The following LRRK1 variants were observed in gnomAD, a reference collection of about 807,000 sequenced individuals.
LRRK1 encodes the protein leucine-rich repeat serine/threonine-protein kinase 1.
LRRK1 carries 113 observed loss-of-function variants against 209.1 expected under a neutral mutation model. The observed-to-expected ratio is 0.54, with a 90% CI of 0.46 to 0.63. LRRK1 has a LOEUF of 0.63. LRRK1 is among the 30% of genes least tolerant of loss of function. The pLI is 0.00. For synonymous variants in LRRK1, 1,144 were observed against 1,099.7 expected (o/e 1.04, Z -0.80); for missense variants, 2,284 against 2,632.2 (o/e 0.87, Z 2.89).
rs963383185 is a variant in LRRK1, at chr15:101,069,416, T to C, written c.*568T>C. On this transcript the variant is annotated 3_prime_UTR_variant, in exon 34 of 34. Coordinates refer to ENST00000388948, the MANE Select transcript of LRRK1 (RefSeq NM_024652.6). ...GTCTCTGTGTTCGGGAAGGTCTCCG[T>C]GTGGGAAAGCCCTTGGGGGATCCCG... 2.0e-5 allele frequency: 3 copies of C among 152,532 alleles called. No homozygotes were observed. The highest frequency in any genetic ancestry group is 4.8e-5 in the African/African-American group (2 of 41,454). 9.4% of individuals were successfully genotyped at this position (152,532 alleles called of 1,614,324 possible). A position where few individuals can be genotyped will look rare whatever the true frequency, so the allele number is the denominator to read the frequency against.
intron 4 of LRRK1, among the ~76,000 whole-genome samples, chr15:100,987,125 G>A (rs912278321): frequency 1.3e-5 from 2 of 152,176 alleles, no homozygotes; most frequent in Admixed American, 1.3e-4. Context: ...GTTAACAGTA[G>A]AGGGAGAAGA....
At chr15:101,045,390 C>T (rs1268453429) in intron 20 of LRRK1, among the ~76,000 whole-genome samples, 1 of 152,224 alleles carries the variant, frequency 6.6e-6, no homozygotes, top group African/African-American at 2.4e-5. Context: ...GCCGTGAAGC[C>T]CTTGCCGATG....
At chr15:100,941,302 A>ATG (rs1567190663) in intron 2 of LRRK1, among the ~76,000 whole-genome samples, 1 of 15,506 alleles carries the variant, frequency 6.4e-5, no homozygotes, top group Non-Finnish European at 1.4e-4. Context: ...GTGTGTGTCT[A>ATG]TGTGTGTGTG....
At chr15:100,960,949 C>T (rs1460640910) in intron 2 of LRRK1, among the ~76,000 whole-genome samples, 1 of 152,170 alleles carries the variant, frequency 6.6e-6, no homozygotes, top group African/African-American at 2.4e-5. Flanking sequence ...ACATTTCTGC[C>T]ATGCATGTTA....
At chr15:100,969,688 C>T (rs2030730598) in intron 2 of LRRK1, among the ~76,000 whole-genome samples, 1 of 152,094 alleles carries the variant, frequency 6.6e-6, no homozygotes, top group Admixed American at 6.6e-5. Flanking sequence ...TGTTGTTCCC[C>T]TCTTGTTTCC....
intron 20 of LRRK1, chr15:101,044,026 AG>A (rs2034913998): frequency 6.6e-6 from 1 of 152,160 alleles, no homozygotes; most frequent in Non-Finnish European, 1.5e-5. Context: ...GTACACATCC[AG>A]GAATAGTGGG....
chr15:100,928,750 C>T (rs1404265832), intron 2 of LRRK1, among the ~76,000 whole-genome samples: 1 of 152,116 alleles, frequency 6.6e-6, no homozygotes, highest in Non-Finnish European at 1.5e-5. Flanking sequence ...TTGTGACTTG[C>T]GTGACCTCAG....
chr15:101,038,332 TA>T (rs1016037030), intron 20 of LRRK1, among the ~76,000 whole-genome samples: 1 of 152,198 alleles, frequency 6.6e-6, no homozygotes, highest in African/African-American at 2.4e-5. Flanking sequence ...CTTTATCACG[TA>T]ACCAAACACC....
rs371884977 is a variant in LRRK1 at position 101,042,852 on chromosome 15, C to G, written c.2964-3129C>G. Among the ~76,000 whole-genome samples, 21 of 152,360 alleles carry G rather than the reference C, an allele frequency of 1.4e-4. 2 individuals carry two copies. Among genetic ancestry groups the G allele is most frequent in the Admixed American group, 4.6e-4 (7 of 15,312 alleles). On this transcript the variant is annotated intron_variant, in intron 20 of 33. Transcript: ENST00000388948. ...AGTGTTGGCTTCTTCTTTCCTCCTA[C>G]TCTCCTCTGTGCTACCCATTGCCAG...
intron 1 of LRRK1, among the ~76,000 whole-genome samples, chr15:100,921,881 C>A (rs1238544469): frequency 6.6e-6 from 1 of 152,158 alleles, no homozygotes; most frequent in African/African-American, 2.4e-5. Context: ...GCATGCCCAG[C>A]TAATTTTTGT....
chr15:101,068,131 C>T (rs538588362), intron 33 of LRRK1, among the ~76,000 whole-genome samples: 1 of 152,196 alleles, frequency 6.6e-6, no homozygotes, highest in Non-Finnish European at 1.5e-5. Context: ...AAACCTGTAG[C>T]ACACACCCAC....
intron 2 of LRRK1, among the ~76,000 whole-genome samples, chr15:100,925,214 T>A (rs2141591778): frequency 6.6e-6 from 1 of 152,366 alleles, no homozygotes; most frequent in Non-Finnish European, 1.5e-5. Flanking sequence ...GTGTATGTAA[T>A]GTTGCATGTT....
intron 2 of LRRK1, among the ~76,000 whole-genome samples, chr15:100,967,619 G>A (rs11855957): frequency 0.95 from 144,251 of 152,248 alleles, 68,353 homozygotes; most frequent in East Asian, 1. Flanking sequence ...CCATGCATTT[G>A]GAGTATAGAC....
At chr15:101,011,812 G>T (rs2033263114) in intron 9 of LRRK1, among the ~76,000 whole-genome samples, 196 bp from the exon 10 acceptor site, 1 of 152,178 alleles carries the variant, frequency 6.6e-6, no homozygotes, top group Non-Finnish European at 1.5e-5. Context: ...CCCCATTCCT[G>T]TCCCTTCCTT....
chr15:101,057,149 T>A, intron 28 of LRRK1, 99 bp downstream of exon 28: 2 of 972,276 alleles, frequency 2.1e-6, no homozygotes, highest in East Asian at 2.7e-5. Context: ...ACCATCACCA[T>A]TGGCAACCCT....
At chr15:100,972,367 T>A (rs201743932) in intron 2 of LRRK1, among the ~76,000 whole-genome samples, 28,141 of 94,214 alleles carry the variant, frequency 0.3, 3,151 homozygotes, top group Non-Finnish European at 0.4. Flanking sequence ...AGAGAGAGTG[T>A]GTGTGTGTGT....
Position 101,072,286 on chromosome 15 carries a change from A to T in LRRK1, c.*3438A>T, listed in dbSNP as rs1357734671. The T allele has an allele frequency of 6.6e-6, 1 of 152,252 alleles. No individual in the cohort carries two copies. Among genetic ancestry groups the T allele is most frequent in the Non-Finnish European group, 1.5e-5 (1 of 68,048 alleles). The allele number at this position is 152,252 out of a possible 1,614,324, so 9.4% of individuals were successfully genotyped here. ...CCAAAGATACAGAACAAGGATGTTC[A>T]CTATAGCATCTCTTAGAATATGGCC... On this transcript the variant is annotated 3_prime_UTR_variant, in exon 34 of 34. Coordinates refer to ENST00000388948, the MANE Select transcript of LRRK1 (RefSeq NM_024652.6).
At chr15:100,947,306 TAATAGAAAAA>T (rs1020645958) in intron 2 of LRRK1, among the ~76,000 whole-genome samples, 5 of 152,088 alleles carry the variant, frequency 3.3e-5, no homozygotes, top group African/African-American at 1.2e-4. Context: ...TTAATTTAGT[TAATAGAAAAA>T]AATAGAAACA....
intron 33 of LRRK1, among the ~76,000 whole-genome samples, chr15:101,068,305 G>C (rs192220081): frequency 6.6e-6 from 1 of 152,098 alleles, no homozygotes; most frequent in African/African-American, 2.4e-5. Context: ...AGTTAAACTC[G>C]GTCATGAGCC....
Sources: allele counts gnomAD v4.1 joint callset (sites outside exome capture counted in the v4.1 genomes callset), GRCh38; gene constraint gnomAD v4.1.1; transcripts MANE v1.5; gene names NCBI Gene and HGNC (gene_info 2026-07-23, HGNC 2026-07-21).